Variants in KDM4B observed in about 807,000 individuals in gnomAD.
The protein encoded by KDM4B is lysine demethylase 4B.
In KDM4B, 32 loss-of-function variants were observed where a neutral mutation model predicts 125.2. That is an observed-to-expected ratio of 0.26 (90% CI 0.19 to 0.34). The LOEUF is 0.34. Ranked by LOEUF, KDM4B falls within the 10% of genes least tolerant of loss-of-function variation. KDM4B has a pLI of 1.00. For missense variants in KDM4B, 1,190 were observed against 1,577.7 expected (o/e 0.75, Z 4.16); for synonymous variants, 721 against 677.9 (o/e 1.06, Z -0.99).
chr19:5,089,783 C>T (rs532063542), intron 9 of KDM4B, among the ~76,000 whole-genome samples: 4 of 151,682 alleles, frequency 2.6e-5, no homozygotes, highest in Non-Finnish European at 5.9e-5. Flanking sequence ...TCCGCCATTC[C>T]TAGGTGCTTC....
At chr19:5,042,678 G>A (rs2145675509) in intron 5 of KDM4B, among the ~76,000 whole-genome samples, 1 of 151,138 alleles carries the variant, frequency 6.6e-6, no homozygotes, top group East Asian at 2.0e-4. Context: ...GCAGGAGAGA[G>A]TGAGGGGGGG....
intron 8 of KDM4B, 60 bp downstream of exon 8, chr19:5,077,530 G>A (rs1398503413): frequency 7.1e-7 from 1 of 1,414,004 alleles, no homozygotes; most frequent in Non-Finnish European, 1.0e-6. Context: ...CCAAGCCCAG[G>A]TGGCCGCACA....
intron 9 of KDM4B, among the ~76,000 whole-genome samples, chr19:5,095,717 C>T (rs1044411005): frequency 2.0e-5 from 3 of 152,204 alleles, no homozygotes; most frequent in Non-Finnish European, 4.4e-5. Context: ...GATCAGATCA[C>T]AAGGGGCTGG....
At chr19:5,122,033 A>G (rs2039370833) in intron 11 of KDM4B, among the ~76,000 whole-genome samples, 1 of 152,136 alleles carries the variant, frequency 6.6e-6, no homozygotes, top group African/African-American at 2.4e-5. Context: ...GCTGAAATGA[A>G]GGACCATGAC....
chr19:5,011,072 G>A (rs1219886426), intron 1 of KDM4B, among the ~76,000 whole-genome samples: 1 of 152,144 alleles, frequency 6.6e-6, no homozygotes, highest in Non-Finnish European at 1.5e-5. Context: ...TTGGCCATCA[G>A]GAGCCCCTCG....
chr19:4,989,295 CCTTT>C (rs2034953852), intron 1 of KDM4B, among the ~76,000 whole-genome samples: 1 of 152,118 alleles, frequency 6.6e-6, no homozygotes, highest in South Asian at 2.1e-4. Context: ...TGCCAGTCTT[CCTTT>C]CTTTTTTCTG....
chr19:5,097,611 G>A (rs1439916197), intron 9 of KDM4B, among the ~76,000 whole-genome samples: 1 of 152,228 alleles, frequency 6.6e-6, no homozygotes, highest in Admixed American at 6.5e-5. Context: ...TCCCAAATGT[G>A]CCCCATGGAA....
In KDM4B at chr19:5,135,335, A is replaced by G. The variant is rs781199882; in HGVS notation, c.2086-4A>G. On this transcript the variant is annotated splice_region_variant and splice_polypyrimidine_tract_variant and intron_variant, in intron 14 of 22. Coordinates refer to ENST00000159111, the MANE Select transcript of KDM4B (RefSeq NM_015015.3). Reference sequence around the variant, plus strand: ...GTCCCCTGAAGGTCGCCTCTCCCCTACAGGCCCTACAGACTGAGAAGGAGG... The same window carrying G: ...GTCCCCTGAAGGTCGCCTCTCCCCTGCAGGCCCTACAGACTGAGAAGGAGG... 25 of 1,600,812 alleles carry G rather than the reference A, an allele frequency of 1.6e-5. No individual in the cohort carries two copies. The highest frequency in any genetic ancestry group is 2.0e-5 in the Non-Finnish European group (23 of 1,169,130).
intron 11 of KDM4B, 40 bp from the exon 12 acceptor site, chr19:5,131,036 C>T (rs763801064): frequency 1.4e-6 from 2 of 1,420,632 alleles, no homozygotes; most frequent in Admixed American, 5.3e-5. Context: ...GCACTTGAGC[C>T]CGGGTTCTCC....
At chr19:4,977,339 A>T (rs1458733161) in intron 1 of KDM4B, among the ~76,000 whole-genome samples, 2 of 152,224 alleles carry the variant, frequency 1.3e-5, no homozygotes, top group African/African-American at 4.8e-5. Flanking sequence ...GAGGGCTCTC[A>T]GGTGCACAGT....
intron 2 of KDM4B, 105 bp downstream of exon 2, chr19:5,016,444 C>G (rs140988197): frequency 6.6e-6 from 1 of 152,342 alleles, no homozygotes; most frequent in Non-Finnish European, 1.5e-5. Flanking sequence ...GGTGGCCTGA[C>G]CGGCTCTGAA....
At chr19:5,111,660 TTCAGGGAGCC>T in intron 10 of KDM4B, 2 of 713,598 alleles carry the variant, frequency 2.8e-6, no homozygotes, top group Non-Finnish European at 5.1e-6. Context: ...CCAAGGAACA[TTCAGGGAGCC>T]CCTGAGCATG....
chr19:5,103,901 G>C (rs1599192253), intron 9 of KDM4B, among the ~76,000 whole-genome samples: 1 of 152,184 alleles, frequency 6.6e-6, no homozygotes, highest in Non-Finnish European at 1.5e-5. Flanking sequence ...GGGGCACGGG[G>C]GTGCACGGCC....
chr19:5,070,741 TC>T, intron 6 of KDM4B: 1 of 397,116 alleles, frequency 2.5e-6, no homozygotes, highest in Non-Finnish European at 4.6e-6. Flanking sequence ...ACCGGGAGCA[TC>T]CCCACTCCTG....
rs972986573 is a variant in KDM4B, at chr19:5,142,302, G to A, written c.2551-1665G>A. 3.4e-4 allele frequency among the ~76,000 whole-genome samples: 52 copies of A among 152,132 alleles called. No individual in the cohort carries two copies. Among genetic ancestry groups the A allele is most frequent in the Non-Finnish European group, 6.2e-4 (42 of 67,996 alleles). Reference sequence around the variant, plus strand: ...CACTGGATGTGGGTCTTCAAACTGCGGCTCCCAGGAAGGGAGGTGACGGCC... The same window carrying A: ...CACTGGATGTGGGTCTTCAAACTGCAGCTCCCAGGAAGGGAGGTGACGGCC... On this transcript the variant is annotated intron_variant, in intron 18 of 22. Transcript: ENST00000159111. The surrounding 1 kb of genome is among the most constrained non-coding windows in gnomAD (Gnocchi z 5.4).
intron 7 of KDM4B, among the ~76,000 whole-genome samples, chr19:5,072,195 C>T (rs1327161151): frequency 4.6e-5 from 7 of 152,232 alleles, no homozygotes; most frequent in Non-Finnish European, 1.0e-4. Flanking sequence ...TCCCCCTTCC[C>T]ATGGGCTTTT....
chr19:5,101,361 ATGAT>A (rs1156382830), intron 9 of KDM4B, among the ~76,000 whole-genome samples: 1 of 150,316 alleles, frequency 6.7e-6, no homozygotes, highest in African/African-American at 2.5e-5. Flanking sequence ...ATCTAGTGTA[ATGAT>A]TACAAGTGAG....
rs543004886 is a variant in KDM4B at position 5,072,166 on chromosome 19, C to T, written c.676+1107C>T. On this transcript the variant is annotated intron_variant, in intron 7 of 22. Coordinates refer to ENST00000159111, the MANE Select transcript of KDM4B (RefSeq NM_015015.3). ...CCTTCCAAACCTTCGAGCCAAAGGA[C>T]GCCCGCCACATGCTCTCTTCCCCCT... Among the ~76,000 whole-genome samples the T allele has an allele frequency of 2.2e-4, 34 of 152,328 alleles. No homozygotes were observed. The East Asian group carries it at 4.2e-3, about 19-fold the overall frequency.
intron 1 of KDM4B, among the ~76,000 whole-genome samples, chr19:4,984,855 G>A (rs1383263251): frequency 6.6e-6 from 1 of 152,108 alleles, no homozygotes; most frequent in Non-Finnish European, 1.5e-5. Context: ...AATGTACCTG[G>A]GGGTCTGGCA....
Sources: allele counts gnomAD v4.1 joint callset (sites outside exome capture counted in the v4.1 genomes callset), GRCh38; gene constraint gnomAD v4.1.1; non-coding constraint Gnocchi (gnomAD v3.1); transcripts MANE v1.5; gene names NCBI Gene and HGNC (gene_info 2026-07-23, HGNC 2026-07-21).